Variants in ACP7 observed in about 807,000 individuals in gnomAD.
ACP7 encodes the protein acid phosphatase 7, tartrate resistant (putative).
A neutral mutation model predicts 60.6 loss-of-function variants in ACP7; 58 were observed. The ratio of observed to expected loss-of-function variants is 0.96; its 90% CI spans 0.77 to 1.19. ACP7 has a LOEUF of 1.19. ACP7 is among the 50% of genes most tolerant of loss of function. The probability of loss-of-function intolerance (pLI) is 0.00; values close to 1 mark genes in which losing one functional copy is unlikely to be tolerated. For synonymous variants in ACP7, 237 were observed against 232.6 expected (o/e 1.02, Z -0.17); for missense variants, 574 against 596.2 (o/e 0.96, Z 0.39).
At chr19:39,102,715 T>TTTTCTTTCTTTCTTTCTTTC (rs199915190) in intron 11 of ACP7, among the ~76,000 whole-genome samples, 1,914 of 118,196 alleles carry the variant, frequency 0.016, 29 homozygotes, top group African/African-American at 0.018. Context: ...CAATGAAGAC[T>TTTTCTTTCTTTCTTTCTTTC]TTTCTTTCTT....
intron 2 of ACP7, among the ~76,000 whole-genome samples, chr19:39,095,057 C>A (rs1419762791): frequency 1.3e-5 from 2 of 152,188 alleles, no homozygotes; most frequent in Admixed American, 6.5e-5. Context: ...GTGTACAATT[C>A]AAGATGAGAT....
intron 11 of ACP7, among the ~76,000 whole-genome samples, chr19:39,102,761 TTCTTTC>T (rs754461511): frequency 0.018 from 1,482 of 82,382 alleles, 7 homozygotes; most frequent in South Asian, 0.051. Flanking sequence ...CTTTCTTTCT[TTCTTTC>T]TCTCTCTCTC....
chr19:39,092,372 A>G (rs4803200), intron 2 of ACP7, among the ~76,000 whole-genome samples: 8 of 19,890 alleles, frequency 4.0e-4, no homozygotes, highest in Admixed American at 1.1e-3. Flanking sequence ...GAAACTCTGT[A>G]TATATATATA....
chr19:39,098,758 A>G, intron 3 of ACP7, 100 bp downstream of exon 3: 1 of 1,387,022 alleles, frequency 7.2e-7, no homozygotes, highest in East Asian at 2.4e-5. Context: ...CTGGGCTGGT[A>G]ACTCCACTGC....
chr19:39,096,167 A>G, intron 2 of ACP7, among the ~76,000 whole-genome samples: 1 of 152,214 alleles, frequency 6.6e-6, no homozygotes, highest in East Asian at 1.9e-4. Context: ...ATTTCTCCTC[A>G]GAAAATGGGG....
intron 3 of ACP7, 60 bp downstream of exon 3, chr19:39,098,718 C>G: frequency 6.6e-7 from 1 of 1,514,342 alleles, no homozygotes. Context: ...GGGATGCAGA[C>G]TAGAAGCTAC....
At chr19:39,106,803 C>A in intron 11 of ACP7, 144 bp from the exon 12 acceptor site, 1 of 932,838 alleles carries the variant, frequency 1.1e-6, no homozygotes, top group Admixed American at 2.5e-5. Flanking sequence ...GAATTACAGG[C>A]ATGAGCCACT....
chr19:39,107,658 G>A (rs2073426515), intron 12 of ACP7, among the ~76,000 whole-genome samples: 1 of 151,582 alleles, frequency 6.6e-6, no homozygotes. Context: ...GGCTGAGGTG[G>A]GCAGATCACT....
intron 2 of ACP7, among the ~76,000 whole-genome samples, chr19:39,086,458 C>T (rs1327383859): frequency 4.0e-5 from 6 of 151,846 alleles, no homozygotes; most frequent in East Asian, 1.9e-4. Flanking sequence ...GGGTGAAACC[C>T]GGTCTCTACA....
intron 2 of ACP7, among the ~76,000 whole-genome samples, chr19:39,095,197 C>T (rs1311824318): frequency 1.3e-5 from 2 of 152,128 alleles, no homozygotes; most frequent in Non-Finnish European, 2.9e-5. Context: ...TCAGCATTAA[C>T]CCAAAAGTCC....
At chr19:39,109,948 T>A in intron 12 of ACP7, 105 bp from the exon 13 acceptor site, 1 of 1,142,718 alleles carries the variant, frequency 8.8e-7, no homozygotes, top group Non-Finnish European at 1.3e-6. Context: ...TGCTCAGGGT[T>A]GTACAGCCCA....
chr19:39,103,448 T>G (rs1429867831), intron 11 of ACP7, among the ~76,000 whole-genome samples: 2 of 142,514 alleles, frequency 1.4e-5, no homozygotes, highest in Admixed American at 7.0e-5. Flanking sequence ...TGTGTTTTTT[T>G]TTTTTTTTTT....
In ACP7 at chr19:39,100,818, C is replaced by G; in HGVS notation, c.772C>G (p.Gln258Glu). The G allele has an allele frequency of 6.2e-7, 1 of 1,614,012 alleles. No individual in the cohort carries two copies. Among genetic ancestry groups the G allele is most frequent in the African/African-American group, 1.3e-5 (1 of 75,042 alleles). The change falls in exon 7 of 13, where the codon CAG becomes GAG. Residue 258 changes from glutamine (Q) to glutamate (E), a missense_variant. By Grantham distance (29) the Gln-to-Glu change is conservative. Transcript: ENST00000331256. ...FFLHYGRHLV[Q>E]RQFRWLESDL... The stretch of plus-strand genomic sequence containing the variant: ...TCTCCATTATGGCCGCCACTTGGTA[C>G]AGAGGCAGTTTCGCTGGCTGGAGAG...
intron 2 of ACP7, among the ~76,000 whole-genome samples, chr19:39,098,211 A>C (rs2073289325): frequency 7.3e-6 from 1 of 137,148 alleles, no homozygotes; most frequent in Non-Finnish European, 1.5e-5. Flanking sequence ...CTGAGATTGC[A>C]CCACTGTACT....
intron 2 of ACP7, 96 bp downstream of exon 2, chr19:39,085,486 G>C: frequency 2.1e-6 from 3 of 1,457,736 alleles, no homozygotes; most frequent in Non-Finnish European, 2.7e-6. Flanking sequence ...TGAGCCCCTA[G>C]GCGGGTGGCT....
At chr19:39,095,697 C>T (rs1327899396) in intron 2 of ACP7, among the ~76,000 whole-genome samples, 1 of 152,228 alleles carries the variant, frequency 6.6e-6, no homozygotes, top group Non-Finnish European at 1.5e-5. Flanking sequence ...GCTCCAGCCC[C>T]ACATTTCCCT....
chr19:39,105,712 A>G (rs1600273006), intron 11 of ACP7, among the ~76,000 whole-genome samples: 1 of 151,566 alleles, frequency 6.6e-6, no homozygotes, highest in African/African-American at 2.4e-5. Context: ...GGGTTTCGCC[A>G]TGTTGCCCAG....
In ACP7 at chr19:39,098,527, T is replaced by C. The variant is rs2073297003; in HGVS notation, c.191T>C (p.Leu64Ser). 1 of 1,611,270 alleles carries C rather than the reference T, an allele frequency of 6.2e-7. No homozygotes were observed. Among genetic ancestry groups the C allele is most frequent in the African/African-American group, 1.3e-5 (1 of 74,790 alleles). Reference protein sequence around the residue: ...VPTRSEVQFGLQPSGPLPLRA... With the variant: ...VPTRSEVQFGSQPSGPLPLRA... ...ACCCGCTCTGAAGTGCAATTCGGGT[T>C]GCAGCCGTCGGGGCCCCTGCCCCTC... The change falls in exon 3 of 13, where the codon TTG becomes TCG. Residue 64 changes from leucine (L) to serine (S), a missense_variant. By Grantham distance (145) the Leu-to-Ser change is moderately radical. Coordinates refer to ENST00000331256, the MANE Select transcript of ACP7 (RefSeq NM_001004318.3).
Position 39,098,431 on chromosome 19 carries a change from GTCTACCC to G in ACP7, c.122-23_122-17del. On this transcript the variant is annotated intron_variant, in intron 2 of 12. Transcript: ENST00000331256. ...CCACCCTGCCCAGGCTTCACTCCCG[GTCTACCC>G]TCTGTCCCTTTCTCCCCAGGTGAGC... 1 of 1,494,038 alleles carries G rather than the reference GTCTACCC, an allele frequency of 6.7e-7. No homozygotes were observed. The highest frequency in any genetic ancestry group is 8.9e-7 in the Non-Finnish European group (1 of 1,119,946). 92.5% of individuals were successfully genotyped at this position (1,494,038 alleles called of 1,614,324 possible).
Sources: gnomAD v4.1 joint callset for allele counts (sites outside exome capture counted in the v4.1 genomes callset) on GRCh38, gnomAD v4.1.1 for gene constraint, MANE v1.5 for transcripts, NCBI Gene and HGNC (gene_info 2026-07-23, HGNC 2026-07-21) for gene names.